ARID1B: variants seen among roughly 807,000 people sequenced by gnomAD.
ARID1B encodes AT-rich interaction domain 1B, also known as AT-rich interactive domain-containing protein 1B.
In ARID1B, 30 loss-of-function variants were observed where a neutral mutation model predicts 212.3. The ratio of observed to expected loss-of-function variants is 0.14; its 90% confidence interval spans 0.11 to 0.19. ARID1B has a LOEUF of 0.19. Ranked by LOEUF, ARID1B falls within the 10% of genes least tolerant of loss-of-function variation. The pLI is 1.00. For synonymous variants in ARID1B, 1,402 were observed against 1,301.7 expected, an observed-to-expected ratio of 1.08 and a Z score of -1.66; for missense variants, 2,891 against 3,204.0, an observed-to-expected ratio of 0.90 and a Z score of 2.36.
At chr6:156,834,203 T>C (rs1329731568) in intron 2 of ARID1B, among the ~76,000 whole-genome samples, 1 of 151,840 alleles carries the variant, frequency 6.6e-6, no homozygotes, top group African/African-American at 2.4e-5. Flanking sequence ...GAAATGTTTA[T>C]TATGATTCAA....
At chr6:157,170,458 A>G (rs1327831042) in intron 9 of ARID1B, among the ~76,000 whole-genome samples, 1 of 152,156 alleles carries the variant, frequency 6.6e-6, no homozygotes, top group Non-Finnish European at 1.5e-5. Flanking sequence ...GCTCACTTTC[A>G]TGCTTGCTCT....
chr6:157,063,718 A>C (rs1465877092), intron 4 of ARID1B, among the ~76,000 whole-genome samples: 1 of 152,190 alleles, frequency 6.6e-6, no homozygotes, highest in African/African-American at 2.4e-5. Context: ...CCAGTGGGTA[A>C]ACCTGACAAT....
At chr6:157,121,929 G>A (rs554365325) in intron 6 of ARID1B, among the ~76,000 whole-genome samples, 6 of 152,184 alleles carry the variant, frequency 3.9e-5, no homozygotes, top group South Asian at 2.1e-4. Context: ...TGCCTGGCTC[G>A]CATATAGCAT....
intron 2 of ARID1B, among the ~76,000 whole-genome samples, chr6:156,838,977 A>T (rs1783710845): frequency 6.6e-6 from 1 of 152,096 alleles, no homozygotes. Flanking sequence ...TTTTCCAGAC[A>T]TCTTAAGGAT....
rs1441764751 is a variant in ARID1B, at chr6:156,778,867, G to A, written c.1187G>A (p.Gly396Asp). ...GGCGCGGGCGGCGGCGGCGGCGGCG[G>A]CGGCGGAGGAGGAGGAGGCAGCGGA... is the stretch of plus-strand genomic sequence containing the variant. ...RPGAGGGGGG[G>D]GGGGGGSGGG... Residue 396 changes from glycine (G) to aspartate (D), a missense_variant, in exon 1 of 20, where the codon GGC becomes GAC. Physicochemically the swap from Gly to Asp is moderately conservative, Grantham distance 94. Transcript: ENST00000636930. 7.1e-7 allele frequency: 1 copy of A among 1,407,682 alleles called. No homozygotes were observed. Among genetic ancestry groups the A allele is most frequent in the South Asian group, 1.6e-5 (1 of 63,840 alleles). 87.2% of individuals were successfully genotyped at this position (1,407,682 alleles called of 1,614,324 possible). A position where few individuals can be genotyped will look rare whatever the true frequency, so the allele number is the denominator to read the frequency against.
chr6:156,971,872 C>A (rs1583054875), intron 4 of ARID1B, among the ~76,000 whole-genome samples: 1 of 152,092 alleles, frequency 6.6e-6, no homozygotes, highest in South Asian at 2.1e-4. Context: ...TAATTATATC[C>A]TCAGAGTCCC....
chr6:156,804,797 T>G (rs1022112963), intron 1 of ARID1B, among the ~76,000 whole-genome samples: 1 of 145,978 alleles, frequency 6.9e-6, no homozygotes, highest in Non-Finnish European at 1.5e-5. Context: ...ATGAAAAGAT[T>G]ACATTTTATT....
intron 4 of ARID1B, among the ~76,000 whole-genome samples, chr6:156,956,956 T>C (rs941301464): frequency 1.5e-4 from 23 of 152,230 alleles, no homozygotes; most frequent in Admixed American, 1.3e-4. Context: ...GTCAGGATCT[T>C]ATTACAGACT....
chr6:156,777,277 C>CGGCGGCGGCCCGGGGACGAGTCCA (rs1230504094), upstream of ARID1B: 1 of 150,260 alleles, frequency 6.7e-6, no homozygotes, highest in African/African-American at 2.4e-5. Context: ...CCGGGGCGGG[C>CGGCGGCGGCCCGGGGACGAGTCCA]GGCGGCGGCC....
At chr6:157,172,618 C>T (rs1225737902) in intron 9 of ARID1B, among the ~76,000 whole-genome samples, 3 of 152,160 alleles carry the variant, frequency 2.0e-5, no homozygotes, top group African/African-American at 7.2e-5. Flanking sequence ...GACCTGTGGT[C>T]TCAACCTGCA....
At chr6:157,127,692 C>G (rs1788224585) in intron 6 of ARID1B, among the ~76,000 whole-genome samples, 1 of 146,532 alleles carries the variant, frequency 6.8e-6, no homozygotes, top group South Asian at 2.2e-4. Flanking sequence ...AGGAGAATCG[C>G]TTGAACTCAG....
intron 4 of ARID1B, among the ~76,000 whole-genome samples, chr6:156,966,948 C>G (rs1049555930): frequency 3.3e-5 from 5 of 152,202 alleles, no homozygotes; most frequent in African/African-American, 1.2e-4. Context: ...GATCCACCTG[C>G]CTCAGCCTCC....
intron 1 of ARID1B, among the ~76,000 whole-genome samples, chr6:156,827,397 G>C (rs1207078895): frequency 1.3e-5 from 2 of 152,210 alleles, no homozygotes; most frequent in Non-Finnish European, 2.9e-5. Context: ...AGCTGGGCTT[G>C]CTTCCTCCCA....
chr6:156,961,101 C>T (rs923062229), intron 4 of ARID1B, among the ~76,000 whole-genome samples: 6 of 152,180 alleles, frequency 3.9e-5, no homozygotes, highest in Non-Finnish European at 1.5e-5. Context: ...AAACCTCTAA[C>T]CCAAATCCCT....
chr6:157,010,989 A>T (rs1420583552), intron 4 of ARID1B, among the ~76,000 whole-genome samples: 3 of 152,134 alleles, frequency 2.0e-5, no homozygotes, highest in African/African-American at 7.2e-5. Flanking sequence ...AGGCCAGGAC[A>T]CCTCTCATAG....
intron 3 of ARID1B, among the ~76,000 whole-genome samples, chr6:156,934,961 T>TATATATAG (rs1235681331): frequency 6.6e-5 from 6 of 90,440 alleles, no homozygotes; most frequent in African/African-American, 2.6e-4. Flanking sequence ...TATATATATA[T>TATATATAG]AGTTTATATT....
At chr6:156,994,417 C>G (rs956178484) in intron 4 of ARID1B, among the ~76,000 whole-genome samples, 4 of 152,054 alleles carry the variant, frequency 2.6e-5, no homozygotes, top group African/African-American at 9.7e-5. Context: ...CTGATTGTTT[C>G]CGGATCTCCA....
intron 2 of ARID1B, among the ~76,000 whole-genome samples, chr6:156,860,917 T>C (rs1057115374): frequency 6.6e-6 from 1 of 152,252 alleles, no homozygotes; most frequent in Non-Finnish European, 1.5e-5. Context: ...CCAGAGTTAC[T>C]TGCTTTTTTG....
At chr6:156,992,510 G>T (rs1224132409) in intron 4 of ARID1B, among the ~76,000 whole-genome samples, 1 of 152,194 alleles carries the variant, frequency 6.6e-6, no homozygotes, top group Non-Finnish European at 1.5e-5. Context: ...GTGTTCGTGA[G>T]CATCTTCGTG....
Sources: allele counts gnomAD v4.1 joint callset (sites outside exome capture counted in the v4.1 genomes callset), GRCh38; gene constraint gnomAD v4.1.1; transcripts MANE v1.5; gene names NCBI Gene and HGNC (gene_info 2026-07-23, HGNC 2026-07-21).